Variants in SGCD observed in about 807,000 individuals in gnomAD.
SGCD encodes the protein sarcoglycan delta.
A neutral mutation model predicts 36.6 loss-of-function variants in SGCD; 18 were observed. That is an observed-to-expected ratio of 0.49 (90% CI 0.34 to 0.73). SGCD has a LOEUF of 0.73. Among genes scored for constraint, SGCD ranks in the 30% least tolerant of loss-of-function variants. The probability of loss-of-function intolerance (pLI) is 0.01; values close to 1 mark genes in which losing one functional copy is unlikely to be tolerated. For synonymous variants in SGCD, 133 were observed against 130.6 expected, an observed-to-expected ratio of 1.02 and a Z score of -0.12; for missense variants, 387 against 346.7, an observed-to-expected ratio of 1.12 and a Z score of -0.92.
At chr5:156,436,836 C>A (rs1504931) in intron 3 of SGCD, among the ~76,000 whole-genome samples, 70,552 of 151,898 alleles carry the variant, frequency 0.46, 16,534 homozygotes, top group Middle Eastern at 0.6. Context: ...TCCCAGAGAC[C>A]CCTCCTTTAT....
At chr5:156,478,116 G>A (rs1755269306) in intron 3 of SGCD, among the ~76,000 whole-genome samples, 1 of 152,072 alleles carries the variant, frequency 6.6e-6, no homozygotes, top group Non-Finnish European at 1.5e-5. Context: ...TACCTCATCT[G>A]TTAAGTAGAA....
At chr5:156,533,124 A>G (rs943965388) in intron 4 of SGCD, among the ~76,000 whole-genome samples, 5 of 152,146 alleles carry the variant, frequency 3.3e-5, no homozygotes, top group Non-Finnish European at 5.9e-5. Context: ...AGTTTCATGA[A>G]GAGGAGACCA....
Position 156,576,654 on chromosome 5 carries a change from T to A in SGCD, c.295-12577T>A, listed in dbSNP as rs530271578. Among the ~76,000 whole-genome samples the A allele has an allele frequency of 1.5e-3, 235 of 152,382 alleles. 1 individual carries two copies. Among genetic ancestry groups the A allele is most frequent in the African/African-American group, 5.4e-3 (223 of 41,596 alleles). ...AGATGGTATCTCATTGTGTTTTTTA[T>A]TTGCATTTCTCTTATGACCAGTGAT... On this transcript the variant is annotated intron_variant, in intron 4 of 8. Coordinates refer to ENST00000337851, the MANE Select transcript of SGCD (RefSeq NM_000337.6).
At chr5:156,741,351 T>C (rs1221289808) in intron 7 of SGCD, among the ~76,000 whole-genome samples, 1 of 152,220 alleles carries the variant, frequency 6.6e-6, no homozygotes, top group East Asian at 1.9e-4. Context: ...TCTCTTAGTT[T>C]TCAAAACAGA....
chr5:156,329,546 C>A lies in SGCD; in HGVS notation c.-31C>A. 1.2e-6 allele frequency: 2 copies of A among 1,612,110 alleles called. No individual in the cohort carries two copies. Among genetic ancestry groups the A allele is most frequent in the Non-Finnish European group, 1.7e-6 (2 of 1,178,398 alleles). ...TTGTTCCTTGCAGAGACATTACTGC[C>A]GGGAGTGTTGAGTGAAGGGACCAGG... is the stretch of plus-strand genomic sequence containing the variant. On this transcript the variant is annotated 5_prime_UTR_variant, in exon 2 of 9. Coordinates refer to ENST00000337851, the MANE Select transcript of SGCD (RefSeq NM_000337.6).
intron 3 of SGCD, among the ~76,000 whole-genome samples, chr5:156,170,742 C>T (rs781417675): frequency 2.6e-4 from 39 of 152,146 alleles, no homozygotes; most frequent in African/African-American, 9.2e-4. Context: ...CATTTGTTAC[C>T]ATGGACAGAG....
chr5:155,999,368 C>A (rs955985914), intron 1 of SGCD, among the ~76,000 whole-genome samples: 3 of 152,204 alleles, frequency 2.0e-5, no homozygotes, highest in Non-Finnish European at 4.4e-5. Flanking sequence ...TCTTGGTATG[C>A]CCTGCCCCTC....
At chr5:156,525,355 G>T (rs1238177482) in intron 4 of SGCD, among the ~76,000 whole-genome samples, 1 of 152,040 alleles carries the variant, frequency 6.6e-6, no homozygotes, top group East Asian at 1.9e-4. Context: ...ATACCTGTTG[G>T]TCAGTTGTAT....
intron 1 of SGCD, among the ~76,000 whole-genome samples, chr5:156,021,813 T>A (rs256635): frequency 6.6e-6 from 1 of 151,630 alleles, no homozygotes; most frequent in African/African-American, 2.4e-5. Context: ...ATGAGAAGAG[T>A]GATTCGAGGA....
chr5:155,728,822 C>G, the SGCD span, among the ~76,000 whole-genome samples: 1 of 152,204 alleles, frequency 6.6e-6, no homozygotes, highest in Non-Finnish European at 1.5e-5. Flanking sequence ...GGGCGGCGCG[C>G]CCTCTGCCAA....
chr5:156,137,555 A>G (rs1416608138), intron 3 of SGCD, among the ~76,000 whole-genome samples: 1 of 152,174 alleles, frequency 6.6e-6, no homozygotes, highest in Admixed American at 6.5e-5. Context: ...TCTATTAAAT[A>G]AGATTCGACT....
chr5:156,530,304 T>C (rs533120673), intron 4 of SGCD, among the ~76,000 whole-genome samples: 1 of 152,312 alleles, frequency 6.6e-6, no homozygotes, highest in African/African-American at 2.4e-5. Flanking sequence ...GGAATATTTA[T>C]GGAAAGATTA....
chr5:155,728,277 T>TGCTGCC, the SGCD span, among the ~76,000 whole-genome samples: 1 of 152,014 alleles, frequency 6.6e-6, no homozygotes, highest in Non-Finnish European at 1.5e-5. Context: ...TGGCGGCCGC[T>TGCTGCC]GCTGCCGCTG....
At chr5:156,465,733 A>G (rs1006607266) in intron 3 of SGCD, among the ~76,000 whole-genome samples, 1 of 152,172 alleles carries the variant, frequency 6.6e-6, no homozygotes, top group South Asian at 2.1e-4. Flanking sequence ...GCTCGTTCCA[A>G]TTGAATCAAT....
At chr5:156,125,913 T>C (rs534512167) in intron 3 of SGCD, among the ~76,000 whole-genome samples, 1 of 150,020 alleles carries the variant, frequency 6.7e-6, no homozygotes, top group Non-Finnish European at 1.5e-5. Context: ...AGTCTCACTT[T>C]GTTGCCCAGG....
At chr5:156,167,047 C>A (rs1440475269) in intron 3 of SGCD, among the ~76,000 whole-genome samples, 3 of 152,140 alleles carry the variant, frequency 2.0e-5, no homozygotes, top group African/African-American at 7.2e-5. Flanking sequence ...CTGACCCATT[C>A]TCCAATTTAG....
In SGCD at chr5:156,665,037, C is replaced by T. The variant is rs1049432306; in HGVS notation, c.575+17501C>T. On this transcript the variant is annotated intron_variant, in intron 7 of 8. Coordinates refer to ENST00000337851, the MANE Select transcript of SGCD (RefSeq NM_000337.6). ...CCATAGGATTAAGTCTCCTAGTGGG[C>T]GGCTGATGGTATGGCGCCCTGCCCT... is the stretch of plus-strand genomic sequence containing the variant. Among the ~76,000 whole-genome samples, 22 of 150,702 alleles carry T rather than the reference C, an allele frequency of 1.5e-4. 1 individual carries two copies. Among genetic ancestry groups the T allele is most frequent in the South Asian group, 4.2e-4 (2 of 4,792 alleles).
intron 1 of SGCD, among the ~76,000 whole-genome samples, chr5:155,973,819 C>T (rs989541411): frequency 5.3e-5 from 8 of 152,124 alleles, no homozygotes; most frequent in Non-Finnish European, 1.2e-4. Flanking sequence ...TTGCAACTGC[C>T]ATTACCTAAA....
intron 1 of SGCD, among the ~76,000 whole-genome samples, chr5:155,957,634 C>G (rs1395153482): frequency 6.6e-6 from 1 of 152,206 alleles, no homozygotes; most frequent in South Asian, 2.1e-4. Context: ...GGGCCAAGTC[C>G]TCTTCAGATT....
Sources: gnomAD v4.1 joint callset for allele counts (sites outside exome capture counted in the v4.1 genomes callset) on GRCh38, gnomAD v4.1.1 for gene constraint, MANE v1.5 for transcripts, NCBI Gene and HGNC (gene_info 2026-07-23, HGNC 2026-07-21) for gene names.